PLEC: variants seen among roughly 807,000 people sequenced by gnomAD.
The protein encoded by PLEC is plectin, also known as hemidesmosomal protein 1.
A neutral mutation model predicts 392.8 loss-of-function variants in PLEC; 216 were observed. That is an observed-to-expected ratio of 0.55 (90% confidence interval 0.49 to 0.62). The LOEUF (loss-of-function observed/expected upper bound fraction) is 0.62. Ranked by LOEUF, PLEC falls within the 20% of genes least tolerant of loss-of-function variation. The pLI is 0.00. For missense variants in PLEC, 6,863 were observed against 6,563.4 expected (o/e 1.05, Z -1.58); for synonymous variants, 3,621 against 2,980.6 (o/e 1.21, Z -7.00).
Position 143,935,356 on chromosome 8 carries a change from A to G in PLEC, c.603-43T>C. On this transcript the variant is annotated intron_variant, in intron 6 of 31. Transcript: ENST00000345136. ...CTGGTCAGGTGGGTGGGACAAGACCAGCGGCCACACCACACAGGCGGGTGC... is the reference window on the plus strand; with the variant it reads ...CTGGTCAGGTGGGTGGGACAAGACCGGCGGCCACACCACACAGGCGGGTGC... 3 of 1,386,150 alleles carry G rather than the reference A, an allele frequency of 2.2e-6. No individual in the cohort carries two copies. The South Asian group carries it at 3.5e-5, about 16-fold the overall frequency. 85.9% of individuals were successfully genotyped at this position (1,386,150 alleles called of 1,614,324 possible). A position where few individuals can be genotyped will look rare whatever the true frequency, so the allele number is the denominator to read the frequency against.
chr8:143,926,992 C>T lies in PLEC; in HGVS notation c.3930G>A (p.Glu1310=), dbSNP rs1825431661. Residue 1310 remains glutamate, a synonymous_variant, in exon 29 of 32, where the codon GAG becomes GAA. Transcript: ENST00000345136. ...AKKPKVQSGS[E]SVIQEYVDLR... ...CCCACCCTACCTCCTGGATGACACT[C>T]TCTGATCCCGACTGGACCTTGGGCT... The T allele has an allele frequency of 6.2e-7, 1 of 1,613,256 alleles. No individual in the cohort carries two copies. Among genetic ancestry groups the T allele is most frequent in the Non-Finnish European group, 8.5e-7 (1 of 1,179,968 alleles).
At chr8:143,958,910 G>A, upstream of PLEC, 1 of 216,216 alleles carries the variant, frequency 4.6e-6, no homozygotes, top group Non-Finnish European at 1.0e-5. The surrounding 1 kb of genome is among the most constrained non-coding windows in gnomAD (Gnocchi z 4.9). Flanking sequence ...CAGGGATAAT[G>A]CACTTTCCCA....
At chr8:143,932,089 C>CG (rs782091076) in intron 17 of PLEC, 41 bp downstream of exon 17, 17 of 1,569,978 alleles carry the variant, frequency 1.1e-5, no homozygotes, top group South Asian at 4.6e-5. Context: ...GGACCCGGCA[C>CG]GGCCCCCCCC....
In PLEC at chr8:143,930,220, CGGAGCTGCT is replaced by C; in HGVS notation, c.2527_2535del (p.Ser843_Ser845del). On this transcript the variant is annotated inframe_deletion, in exon 21 of 32. Coordinates refer to ENST00000345136, the MANE Select transcript of PLEC (RefSeq NM_201384.3). ...ACGGAGGGCACGGCGGCCTCGCTGC[CGGAGCTGCT>C]GAGCACCTTCCAGTGGGACGGCTGT... 1 of 1,587,702 alleles carries C rather than the reference CGGAGCTGCT, an allele frequency of 6.3e-7. No individual in the cohort carries two copies. Among genetic ancestry groups the C allele is most frequent in the South Asian group, 1.1e-5 (1 of 88,658 alleles).
rs782138604 is a variant in PLEC, at chr8:143,929,396, G to T, written c.3081+18C>A. ...ATGGGGAGAGGGATGGGACTGGATG[G>T]GGGGGGACGGCCCCTGCCTGCTGCT... On this transcript the variant is annotated intron_variant, in intron 24 of 31. Coordinates refer to ENST00000345136, the MANE Select transcript of PLEC (RefSeq NM_201384.3). 1.1e-5 allele frequency: 17 copies of T among 1,561,104 alleles called. No individual in the cohort carries two copies. Among genetic ancestry groups the T allele is most frequent in the Admixed American group, 3.8e-5 (2 of 52,708 alleles).
Position 143,930,187 on chromosome 8 carries a change from G to T in PLEC, c.2569C>A (p.Leu857Met). Reference sequence around the variant, plus strand: ...GCCTCCTGGTTGGGCGGGGGCACCAGGAAGCACACGGAGGGCACGGCGGCC... The same window carrying T: ...GCCTCCTGGTTGGGCGGGGGCACCATGAAGCACACGGAGGGCACGGCGGCC... ...SEAAVPSVCF[L>M]VPPPNQEAQE... is the part of the protein sequence containing the mutation. The change falls in exon 21 of 32, where the codon CTG (leucine) becomes ATG (methionine). Residue 857 changes from leucine (L) to methionine (M), a missense_variant. By Grantham distance (15) the Leu-to-Met change is conservative. Coordinates refer to ENST00000345136, the MANE Select transcript of PLEC (RefSeq NM_201384.3). 1 of 1,580,412 alleles carries T rather than the reference G, an allele frequency of 6.3e-7. No homozygotes were observed.
rs1418281109 is a variant in PLEC, at chr8:143,934,683, G to A, written c.993C>T (p.Ala331=). Reference sequence around the variant, plus strand: ...TGGACCTGTTCTTGTCGGCCTCCTTGGCTGGTAGCTCCATCTCCTTAAACT... The same window carrying A: ...TGGACCTGTTCTTGTCGGCCTCCTTAGCTGGTAGCTCCATCTCCTTAAACT... ...FLKFKEMELP[A]KEADKNRSKG... The change falls in exon 10 of 32, where the codon GCC becomes GCT. Residue 331 remains alanine, a synonymous_variant. Transcript: ENST00000345136. The A allele has an allele frequency of 2.5e-6, 4 of 1,612,878 alleles. No homozygotes were observed. The highest frequency in any genetic ancestry group is 3.4e-6 in the Non-Finnish European group (4 of 1,179,966).
intron 1 of PLEC, among the ~76,000 whole-genome samples, chr8:143,961,065 C>A (rs570992909): frequency 6.6e-6 from 1 of 152,216 alleles, no homozygotes; most frequent in Non-Finnish European, 1.5e-5. Context: ...ACACACACTG[C>A]GCGTTTGTGG....
chr8:143,916,274 G>A lies in PLEC; in HGVS notation c.13547C>T (p.Thr4516Ile), dbSNP rs1320878270. Residue 4516 changes from threonine to isoleucine, a missense_variant, in exon 32 of 32, where the codon ACC becomes ATC. By Grantham distance (89) the Thr-to-Ile change is moderately conservative. Coordinates refer to ENST00000345136, the MANE Select transcript of PLEC (RefSeq NM_201384.3). ...GGAGGAGTAGGAGGATGAAGAGAAG[G>A]TCATGGAGAAGCCGGAGCCGGTGGC... is the stretch of plus-strand genomic sequence containing the variant. Reference protein sequence around the residue: ...FDATGSGFSMTFSSSSYSSSG... With the variant: ...FDATGSGFSMIFSSSSYSSSG... The A allele has an allele frequency of 9.6e-6, 15 of 1,556,816 alleles. No individual in the cohort carries two copies. Among genetic ancestry groups the A allele is most frequent in the East Asian group, 2.4e-5 (1 of 41,306 alleles).
intron 10 of PLEC, 70 bp downstream of exon 10, chr8:143,934,565 G>A (rs945093910): frequency 1.4e-5 from 22 of 1,599,052 alleles, no homozygotes; most frequent in African/African-American, 8.0e-5. Context: ...GGGCCAGGTC[G>A]GCTCCGGAAG....
chr8:143,940,255 G>A (rs1554727731), upstream of PLEC, among the ~76,000 whole-genome samples: 1 of 152,208 alleles, frequency 6.6e-6, no homozygotes, highest in African/African-American at 2.4e-5. Flanking sequence ...AGCCCACCCT[G>A]CCCCAGGCAG....
At chr8:143,935,777 C>T in intron 6 of PLEC, 71 bp downstream of exon 6, 3 of 1,545,784 alleles carry the variant, frequency 1.9e-6, no homozygotes, top group Non-Finnish European at 2.7e-6. Flanking sequence ...CCCAACGTGT[C>T]TGAAGTTGCC....
At chr8:143,970,795 C>T (rs1341117475) in intron 1 of PLEC, among the ~76,000 whole-genome samples, 1 of 152,262 alleles carries the variant, frequency 6.6e-6, no homozygotes, top group Non-Finnish European at 1.5e-5. Context: ...CATGGTGCGG[C>T]AGAACGGCCC....
Position 143,916,620 on chromosome 8 carries a change from C to A in PLEC, c.13201G>T (p.Asp4401Tyr), listed in dbSNP as rs782439392. 6.2e-7 allele frequency: 1 copy of A among 1,609,918 alleles called. No individual in the cohort carries two copies. Among genetic ancestry groups the A allele is most frequent in the South Asian group, 1.1e-5 (1 of 90,968 alleles). The change falls in exon 32 of 32, where the codon GAC becomes TAC. Residue 4401 changes from aspartate (D) to tyrosine (Y), a missense_variant. Asp to Tyr is a radical substitution (Grantham distance 160). Transcript: ENST00000345136. ...TCCAGGGGCACGCGGCCCGGCGTGT[C>A]GGGCTCGATCAAGCCGCCGGTCAGG... ...QYLTGGLIEP[D>Y]TPGRVPLDEA...
upstream of PLEC, among the ~76,000 whole-genome samples, chr8:143,943,019 T>C (rs782315418): frequency 5.3e-5 from 8 of 152,058 alleles, no homozygotes; most frequent in Non-Finnish European, 7.4e-5. Context: ...AAAACATGGA[T>C]GGGGAAGAAG....
In PLEC at chr8:143,919,997, C is replaced by A; in HGVS notation, c.9824G>T (p.Arg3275Leu). 1.2e-6 allele frequency: 2 copies of A among 1,613,282 alleles called. No individual in the cohort carries two copies. The highest frequency in any genetic ancestry group is 1.3e-5 in the African/African-American group (1 of 75,044). The stretch of plus-strand genomic sequence containing the variant: ...CTTCTCCACGGTGACCTTGCCCGTG[C>A]GGAACTGACGCAACAGCTCCTGCCG... ...EQRQELLRQFRTGKVTVEKVI... is the reference protein window; with the variant it reads ...EQRQELLRQFLTGKVTVEKVI... Residue 3275 changes from arginine (R) to leucine (L), a missense_variant, in exon 32 of 32, where the codon CGC becomes CTC. Arg to Leu is a moderately radical substitution (Grantham distance 102). Coordinates refer to ENST00000345136, the MANE Select transcript of PLEC (RefSeq NM_201384.3).
upstream of PLEC, among the ~76,000 whole-genome samples, chr8:143,941,558 C>T (rs1388837883): frequency 6.6e-6 from 1 of 151,988 alleles, no homozygotes; most frequent in Non-Finnish European, 1.5e-5. Context: ...GCTGGGGGCT[C>T]GGTCAGGGGC....
Position 143,934,720 on chromosome 8 carries a change from G to A in PLEC, c.956C>T (p.Ser319Phe), listed in dbSNP as rs782020492. 5 of 1,612,414 alleles carry A rather than the reference G, an allele frequency of 3.1e-6. No homozygotes were observed. The highest frequency in any genetic ancestry group is 2.7e-5 in the African/African-American group (2 of 74,914). ...CATCTCCTTAAACTTCAGGAACTGA[G>A]ACCACAGGATCTGCCAGGGACGAGG... ...SSFEEIEILW[S>F]QFLKFKEMEL... Residue 319 changes from serine to phenylalanine, a missense_variant, in exon 10 of 32, where the codon TCT becomes TTT. Transcript: ENST00000345136.
upstream of PLEC, chr8:143,942,257 C>G: frequency 9.7e-7 from 1 of 1,036,258 alleles, no homozygotes; most frequent in African/African-American, 1.6e-5. Context: ...TTCCGGAGCT[C>G]GGGGGCAAGG....
Sources: allele counts gnomAD v4.1 joint callset (sites outside exome capture counted in the v4.1 genomes callset), GRCh38; gene constraint gnomAD v4.1.1; non-coding constraint Gnocchi (gnomAD v3.1); transcripts MANE v1.5; gene names NCBI Gene and HGNC (gene_info 2026-07-23, HGNC 2026-07-21).